Variants in LAMC1 observed in about 807,000 individuals in gnomAD.
The protein encoded by LAMC1 is laminin subunit gamma-1.
In LAMC1, 38 loss-of-function variants were observed where a neutral mutation model predicts 173.6. That is an observed-to-expected ratio of 0.22 (90% CI 0.17 to 0.29). The LOEUF (loss-of-function observed/expected upper bound fraction) is 0.29. Ranked by LOEUF, LAMC1 falls within the 10% of genes least tolerant of loss-of-function variation. The pLI is 1.00. For synonymous variants in LAMC1, 746 were observed against 749.1 expected, an observed-to-expected ratio of 1.00 and a Z score of 0.07; for missense variants, 1,824 against 2,051.8, an observed-to-expected ratio of 0.89 and a Z score of 2.14.
At chr1:183,107,685 C>T (rs1043585709) in intron 2 of LAMC1, among the ~76,000 whole-genome samples, 1 of 152,084 alleles carries the variant, frequency 6.6e-6, no homozygotes, top group African/African-American at 2.4e-5. Context: ...AAAAAATTAG[C>T]TGGGCGTGGT....
intron 1 of LAMC1, among the ~76,000 whole-genome samples, chr1:183,065,366 A>C (rs1305408365): frequency 6.6e-6 from 1 of 152,210 alleles, no homozygotes; most frequent in East Asian, 1.9e-4. Flanking sequence ...TCTGTGGGGC[A>C]GGCCAGCAGG....
chr1:183,080,315 C>G (rs1655237311), intron 1 of LAMC1, among the ~76,000 whole-genome samples: 1 of 152,166 alleles, frequency 6.6e-6, no homozygotes, highest in Non-Finnish European at 1.5e-5. Flanking sequence ...TAAGTTATCA[C>G]AGTTTCTAGG....
chr1:183,144,034 T>A lies in LAMC1; in HGVS notation c.*1244T>A, dbSNP rs1657189839. Reference sequence around the variant, plus strand: ...CCACTCTAAACCTTCCCTCTAAGTGTAGAGGGAAGACCCTTACGTGGAGTT... The same window carrying A: ...CCACTCTAAACCTTCCCTCTAAGTGAAGAGGGAAGACCCTTACGTGGAGTT... On this transcript the variant is annotated 3_prime_UTR_variant, in exon 28 of 28. Coordinates refer to ENST00000258341, the MANE Select transcript of LAMC1 (RefSeq NM_002293.4). 1 of 152,558 alleles carries A rather than the reference T, an allele frequency of 6.6e-6. No homozygotes were observed. Among genetic ancestry groups the A allele is most frequent in the African/African-American group, 2.4e-5 (1 of 41,432 alleles). 9.5% of individuals were successfully genotyped at this position (152,558 alleles called of 1,614,324 possible). A position where few individuals can be genotyped will look rare whatever the true frequency, so the allele number is the denominator to read the frequency against.
At position 183,031,209 on chromosome 1, in the gene LAMC1, G is replaced by A. The variant is rs543243373; in HGVS notation, c.418+7075G>A. ...GAAAGGACTGTAAATGTAGAGTACGGTATAGCCCAGTGTATTCCACATTAA... is the reference window on the plus strand; with the variant it reads ...GAAAGGACTGTAAATGTAGAGTACGATATAGCCCAGTGTATTCCACATTAA... On this transcript the variant is annotated intron_variant, in intron 1 of 27. Transcript: ENST00000258341. Among the ~76,000 whole-genome samples the A allele has an allele frequency of 6.6e-5, 10 of 152,318 alleles. No individual in the cohort carries two copies. In the East Asian group the frequency reaches 1.5e-3, roughly 23 times the overall value.
chr1:183,053,009 G>A lies in LAMC1; in HGVS notation c.418+28875G>A, dbSNP rs1055946567. ...AAATGAGGGAAGAGATGTAAACAAC[G>A]ATTACTCTGTTCTTCCTAGTGTTGG... On this transcript the variant is annotated intron_variant, in intron 1 of 27. Transcript: ENST00000258341. 3.3e-5 allele frequency among the ~76,000 whole-genome samples: 5 copies of A among 152,244 alleles called. No homozygotes were observed. The East Asian group carries it at 7.7e-4, about 24-fold the overall frequency.
At chr1:183,120,226 T>A (rs909505083) in intron 11 of LAMC1, among the ~76,000 whole-genome samples, 1 of 144,212 alleles carries the variant, frequency 6.9e-6, no homozygotes, top group Non-Finnish European at 1.5e-5. Context: ...AAGATCACAG[T>A]GCTTTAAGAA....
intron 1 of LAMC1, among the ~76,000 whole-genome samples, chr1:183,062,784 T>C (rs1232283042): frequency 6.6e-6 from 1 of 152,152 alleles, no homozygotes; most frequent in Non-Finnish European, 1.5e-5. Context: ...AAACCCCATC[T>C]CTACTAAAAA....
At chr1:183,055,004 T>C (rs1209256464) in intron 1 of LAMC1, among the ~76,000 whole-genome samples, 3 of 150,378 alleles carry the variant, frequency 2.0e-5, no homozygotes, top group Non-Finnish European at 4.4e-5. Context: ...TTTTTTTTTT[T>C]TGAGATGGAG....
chr1:183,032,581 G>T (rs868055979), intron 1 of LAMC1, among the ~76,000 whole-genome samples: 4 of 151,978 alleles, frequency 2.6e-5, no homozygotes, highest in African/African-American at 9.7e-5. Context: ...GAAGTGCAGC[G>T]GTGCAGTCAG....
intron 1 of LAMC1, among the ~76,000 whole-genome samples, chr1:183,049,058 C>G (rs528232136): frequency 6.6e-6 from 1 of 152,248 alleles, no homozygotes; most frequent in East Asian, 1.9e-4. Context: ...ATGTGTACTC[C>G]AGAAATGTTT....
chr1:183,116,303 CCT>C (rs1330259709), intron 6 of LAMC1, among the ~76,000 whole-genome samples: 3 of 151,816 alleles, frequency 2.0e-5, no homozygotes, highest in Non-Finnish European at 2.9e-5. Flanking sequence ...ATTTTGAAAC[CCT>C]GTCTCTACTA....
intron 1 of LAMC1, among the ~76,000 whole-genome samples, chr1:183,093,123 G>A (rs917619691): frequency 7.2e-5 from 11 of 152,104 alleles, no homozygotes; most frequent in South Asian, 2.1e-4. Flanking sequence ...CATCCTGGGC[G>A]ATTTAGGGCT....
At chr1:183,063,571 T>G (rs1459528450) in intron 1 of LAMC1, among the ~76,000 whole-genome samples, 5 of 152,202 alleles carry the variant, frequency 3.3e-5, no homozygotes, top group Admixed American at 6.5e-5. Context: ...GTGTCAGCAG[T>G]TGCTTTTGTA....
At chr1:183,096,996 C>T (rs975515074) in intron 1 of LAMC1, among the ~76,000 whole-genome samples, 44 of 152,176 alleles carry the variant, frequency 2.9e-4, no homozygotes, top group African/African-American at 1.0e-3. Context: ...GTAGTGCTTC[C>T]GATCATCTGC....
At chr1:183,048,649 C>T (rs1277659131) in intron 1 of LAMC1, among the ~76,000 whole-genome samples, 1 of 152,118 alleles carries the variant, frequency 6.6e-6, no homozygotes, top group East Asian at 1.9e-4. Flanking sequence ...CACCACCCAC[C>T]CCACTTGTAA....
chr1:183,096,290 A>G (rs1655690795), intron 1 of LAMC1, among the ~76,000 whole-genome samples: 1 of 152,238 alleles, frequency 6.6e-6, no homozygotes, highest in Non-Finnish European at 1.5e-5. Context: ...CTCCAAAATC[A>G]TACTGTCTAT....
At chr1:183,082,706 T>A (rs190130350) in intron 1 of LAMC1, among the ~76,000 whole-genome samples, 5 of 152,364 alleles carry the variant, frequency 3.3e-5, no homozygotes, top group African/African-American at 9.6e-5. Context: ...GTATTGGTGA[T>A]GAAAGTATCT....
intron 15 of LAMC1, 59 bp from the exon 16 acceptor site, chr1:183,126,061 A>AG: frequency 6.4e-7 from 1 of 1,550,870 alleles, no homozygotes; most frequent in East Asian, 2.2e-5. Flanking sequence ...AAAAAAAAAA[A>AG]AAAGTTGTGC....
At chr1:183,080,827 A>C (rs1467765388) in intron 1 of LAMC1, among the ~76,000 whole-genome samples, 1 of 151,768 alleles carries the variant, frequency 6.6e-6, no homozygotes, top group Non-Finnish European at 1.5e-5. Context: ...TGGACCTAAC[A>C]GCTGGCCTTA....
Sources: gnomAD v4.1 joint callset for allele counts (sites outside exome capture counted in the v4.1 genomes callset) on GRCh38, gnomAD v4.1.1 for gene constraint, MANE v1.5 for transcripts, NCBI Gene and HGNC (gene_info 2026-07-23, HGNC 2026-07-21) for gene names.